CMSS1: variants seen among roughly 807,000 people sequenced by gnomAD.
The protein encoded by CMSS1 is protein CMSS1.
A neutral mutation model predicts 43.5 loss-of-function variants in CMSS1; 33 were observed. That is an observed-to-expected ratio of 0.76 (90% CI 0.57 to 1.01). The LOEUF is 1.01. Among genes scored for constraint, CMSS1 ranks in the 50% least tolerant of loss-of-function variants. CMSS1 has a pLI of 0.00. For synonymous variants in CMSS1, 115 were observed against 117.2 expected (o/e 0.98, Z 0.12); for missense variants, 313 against 326.4 (o/e 0.96, Z 0.32).
chr3:100,161,670 T>G (rs932792796), intron 3 of CMSS1, among the ~76,000 whole-genome samples: 3 of 150,970 alleles, frequency 2.0e-5, no homozygotes, highest in Non-Finnish European at 4.4e-5. Flanking sequence ...ATTGTGGGTT[T>G]CTACTACTGC....
chr3:100,151,588 A>G (rs2066908930), intron 2 of CMSS1, among the ~76,000 whole-genome samples: 1 of 152,190 alleles, frequency 6.6e-6, no homozygotes, highest in South Asian at 2.1e-4. Flanking sequence ...CAATCTTTTT[A>G]TAGTTTATTC....
intron 1 of CMSS1, among the ~76,000 whole-genome samples, chr3:99,875,871 TC>T (rs1247521245): frequency 2.6e-5 from 4 of 152,222 alleles, no homozygotes; most frequent in African/African-American, 9.6e-5. Context: ...TAATCTGTTT[TC>T]TCCTCCAGAG....
chr3:100,152,902 C>G (rs1314534731), intron 2 of CMSS1, among the ~76,000 whole-genome samples: 1 of 152,192 alleles, frequency 6.6e-6, no homozygotes, highest in Non-Finnish European at 1.5e-5. Flanking sequence ...TAGTGTTGTT[C>G]AAGCGCATTC....
chr3:100,051,588 T>C (rs1352100509), intron 1 of CMSS1, among the ~76,000 whole-genome samples: 2 of 144,314 alleles, frequency 1.4e-5, no homozygotes, highest in Admixed American at 1.4e-4. Flanking sequence ...TTCCCACCTA[T>C]GAGTGAGAAC....
chr3:99,995,355 G>T (rs1156269788), intron 1 of CMSS1, among the ~76,000 whole-genome samples: 1 of 152,160 alleles, frequency 6.6e-6, no homozygotes, highest in Admixed American at 6.5e-5. Context: ...TAAGAGGTGG[G>T]TTCCCATGGT....
At chr3:99,843,468 T>A (rs574849596) in intron 1 of CMSS1, among the ~76,000 whole-genome samples, 170 of 152,332 alleles carry the variant, frequency 1.1e-3, no homozygotes, top group Middle Eastern at 3.4e-3. Context: ...CTACTACAGA[T>A]GTAATTTAAA....
At chr3:99,828,394 ACT>A (rs1226662985) in intron 1 of CMSS1, among the ~76,000 whole-genome samples, 1 of 136,236 alleles carries the variant, frequency 7.3e-6, no homozygotes, top group Non-Finnish European at 1.5e-5. Flanking sequence ...AATACTAAGC[ACT>A]CTGTACATAC....
At chr3:99,988,766 A>T (rs1709428718) in intron 1 of CMSS1, among the ~76,000 whole-genome samples, 1 of 152,218 alleles carries the variant, frequency 6.6e-6, no homozygotes. Flanking sequence ...ACAGAAACAT[A>T]GTATAATAAC....
At chr3:99,869,803 A>G (rs1944699655) in intron 1 of CMSS1, among the ~76,000 whole-genome samples, 1 of 152,240 alleles carries the variant, frequency 6.6e-6, no homozygotes, top group Admixed American at 6.5e-5. Flanking sequence ...AGAGAAAAAC[A>G]TATTTCACCT....
intron 1 of CMSS1, chr3:100,011,725 T>C (rs1710162508): frequency 1.3e-5 from 2 of 152,132 alleles, no homozygotes; most frequent in Admixed American, 6.5e-5. Context: ...TCTCTACCCA[T>C]AGGCTCCACT....
At chr3:99,837,440 A>AG (rs1559650261) in intron 1 of CMSS1, among the ~76,000 whole-genome samples, 1 of 131,716 alleles carries the variant, frequency 7.6e-6, no homozygotes, top group Non-Finnish European at 1.7e-5. Flanking sequence ...GAGAAGAGAG[A>AG]AAAAAAAAAA....
intron 1 of CMSS1, among the ~76,000 whole-genome samples, chr3:100,032,474 C>G (rs1409635431): frequency 6.6e-6 from 1 of 152,166 alleles, no homozygotes; most frequent in Non-Finnish European, 1.5e-5. Context: ...TTTCTGTTAT[C>G]TGTGAATCAT....
intron 1 of CMSS1, among the ~76,000 whole-genome samples, chr3:100,123,504 C>A (rs984215744): frequency 3.3e-5 from 5 of 152,106 alleles, no homozygotes; most frequent in African/African-American, 1.2e-4. Context: ...TTACATGATC[C>A]TATTTACCTT....
At chr3:100,174,373 C>G (rs975261817) in intron 8 of CMSS1, among the ~76,000 whole-genome samples, 22 of 151,932 alleles carry the variant, frequency 1.4e-4, no homozygotes, top group Non-Finnish European at 2.9e-5. Flanking sequence ...AGCCCCCACC[C>G]CATGCAACAG....
At chr3:100,013,085 C>T (rs940771485) in intron 1 of CMSS1, among the ~76,000 whole-genome samples, 61 of 151,964 alleles carry the variant, frequency 4.0e-4, no homozygotes, top group Non-Finnish European at 6.9e-4. Flanking sequence ...TCTTGTTGTC[C>T]GGGCTGATCT....
At chr3:99,833,077 A>T (rs544768969) in intron 1 of CMSS1, 1 of 664,872 alleles carries the variant, frequency 1.5e-6, no homozygotes, top group African/African-American at 1.9e-5. Context: ...TCAGAGTTGG[A>T]GGCTCCTGGG....
intron 1 of CMSS1, among the ~76,000 whole-genome samples, chr3:99,821,731 G>A (rs930957325): frequency 2.0e-5 from 3 of 152,152 alleles, no homozygotes; most frequent in African/African-American, 4.8e-5. Context: ...CATGGATTTC[G>A]TGACTTAAGG....
In CMSS1 at chr3:99,865,165, G is replaced by T. The variant is rs555809950; in HGVS notation, c.64+47122G>T. ...GAACAATTTTTATATGCCATGTACC[G>T]TGTTAGTCCTGCAAACAGTCATAGG... On this transcript the variant is annotated intron_variant, in intron 1 of 9. Coordinates refer to ENST00000421999, the MANE Select transcript of CMSS1 (RefSeq NM_032359.4). Among the ~76,000 whole-genome samples the T allele has an allele frequency of 3.3e-5, 5 of 152,116 alleles. No homozygotes were observed. The East Asian group carries it at 5.8e-4, about 18-fold the overall frequency.
rs577880152 is a variant in CMSS1, at chr3:100,159,046, G to A, written c.154-1384G>A. Among the ~76,000 whole-genome samples the A allele has an allele frequency of 4.6e-5, 7 of 152,312 alleles. No individual in the cohort carries two copies. The South Asian group carries it at 1.5e-3, about 32-fold the overall frequency. ...TGAACACTGGCCTGGTTTGTAATTG[G>A]ACTCTTATGGCCATCTGGCAGCTTC... On this transcript the variant is annotated intron_variant, in intron 2 of 9. Transcript: ENST00000421999.
Sources: gnomAD v4.1 joint callset for allele counts (sites outside exome capture counted in the v4.1 genomes callset) on GRCh38, gnomAD v4.1.1 for gene constraint, MANE v1.5 for transcripts, NCBI Gene and HGNC (gene_info 2026-07-23, HGNC 2026-07-21) for gene names.